The following PRMT8 variants were observed in gnomAD, a reference collection of about 807,000 sequenced individuals.
PRMT8 encodes the protein protein arginine methyltransferase 8, also known as protein arginine N-methyltransferase 8.
Under a neutral mutation model 47.1 loss-of-function variants are expected in PRMT8, and 7 were observed. That is an observed-to-expected ratio of 0.15 (90% CI 0.08 to 0.28). PRMT8 has a LOEUF of 0.28. PRMT8 is among the 10% of genes least tolerant of loss of function. The pLI, the probability that PRMT8 is intolerant of heterozygous loss-of-function variation, is 1.00. For missense variants in PRMT8, 237 were observed against 505.4 expected, an observed-to-expected ratio of 0.47 and a Z score of 5.09; for synonymous variants, 188 against 186.5, an observed-to-expected ratio of 1.01 and a Z score of -0.07.
intron 1 of PRMT8, among the ~76,000 whole-genome samples, chr12:3,452,230 G>A (rs1351855411): frequency 6.6e-6 from 1 of 151,946 alleles, no homozygotes; most frequent in African/African-American, 2.4e-5. Flanking sequence ...TTAATACCTG[G>A]GTGAGGAAAT....
At position 3,569,740 on chromosome 12, in the gene PRMT8, G is replaced by A. The variant is rs576753548; in HGVS notation, c.712+176G>A. On this transcript the variant is annotated intron_variant, in intron 6 of 9. Coordinates refer to ENST00000382622, the MANE Select transcript of PRMT8 (RefSeq NM_019854.5). The surrounding 1 kb of genome is among the most constrained non-coding windows in gnomAD (Gnocchi z 8.2). Reference sequence around the variant, plus strand: ...CTAAATGTTTCTATCTAGTCCCAAGGGTGTTAGGTCTACAGACAGAAAATA... The same window carrying A: ...CTAAATGTTTCTATCTAGTCCCAAGAGTGTTAGGTCTACAGACAGAAAATA... 6.6e-6 allele frequency among the ~76,000 whole-genome samples: 1 copy of A among 152,228 alleles called. No individual in the cohort carries two copies. The highest frequency in any genetic ancestry group is 2.4e-5 in the African/African-American group (1 of 41,536).
At chr12:3,481,562 G>A (rs1865273954) in intron 1 of PRMT8, among the ~76,000 whole-genome samples, 5 of 152,202 alleles carry the variant, frequency 3.3e-5, no homozygotes, top group Non-Finnish European at 5.9e-5. Context: ...AGCAGCCCTG[G>A]CATAGCCCTC....
At chr12:3,578,797 G>C (rs1027578303) in intron 7 of PRMT8, among the ~76,000 whole-genome samples, 1 of 152,142 alleles carries the variant, frequency 6.6e-6, no homozygotes, top group Non-Finnish European at 1.5e-5. Flanking sequence ...AACTGCACCC[G>C]TTGGGCTGGA....
rs55873188 is a variant in PRMT8, at chr12:3,582,053, C to G, written c.829-1005C>G. Among the ~76,000 whole-genome samples, 1,011 of 152,318 alleles carry G rather than the reference C, an allele frequency of 6.6e-3. 11 individuals are homozygous for G. Among genetic ancestry groups the G allele is most frequent in the African/African-American group, 0.024 (979 of 41,570 alleles). On this transcript the variant is annotated intron_variant, in intron 7 of 9. Coordinates refer to ENST00000382622, the MANE Select transcript of PRMT8 (RefSeq NM_019854.5). Reference sequence around the variant, plus strand: ...TGGAACCAACCAGGCATACAGATGGCCTTCTGGCTCTTACAGAGTTTTCAG... The same window carrying G: ...TGGAACCAACCAGGCATACAGATGGGCTTCTGGCTCTTACAGAGTTTTCAG...
intron 1 of PRMT8, among the ~76,000 whole-genome samples, chr12:3,480,980 C>T (rs759068468): frequency 1.3e-5 from 2 of 152,160 alleles, no homozygotes; most frequent in African/African-American, 2.4e-5. Context: ...GAGGTGGTGG[C>T]GGTCTAGAGG....
chr12:3,552,870 T>A lies in PRMT8; in HGVS notation c.418-781T>A, dbSNP rs1866448325. On this transcript the variant is annotated intron_variant, in intron 3 of 9. Coordinates refer to ENST00000382622, the MANE Select transcript of PRMT8 (RefSeq NM_019854.5). This position sits in a 1 kb window ranked among gnomAD's most constrained non-coding sequence, Gnocchi z 4.5. ...CCCAGGGCCTTAGCACAGGCCAGCC[T>A]CTGTAAGAGAGCCGGCTCCGGAGGT... 2 of 427,944 alleles carry A rather than the reference T, an allele frequency of 4.7e-6. No homozygotes were observed. The highest frequency in any genetic ancestry group is 3.3e-5 in the South Asian group (2 of 61,488). 26.5% of individuals were successfully genotyped at this position (427,944 alleles called of 1,614,324 possible). A position where few individuals can be genotyped will look rare whatever the true frequency, so the allele number is the denominator to read the frequency against.
intron 2 of PRMT8, among the ~76,000 whole-genome samples, chr12:3,549,510 TA>T (rs144428061): frequency 0.21 from 23,275 of 111,950 alleles, 1,852 homozygotes; most frequent in Non-Finnish European, 0.23. Flanking sequence ...TTTTTTTTTT[TA>T]AAAAAAAGGC....
chr12:3,445,383 G>A (rs1478317256), intron 1 of PRMT8, among the ~76,000 whole-genome samples: 1 of 152,184 alleles, frequency 6.6e-6, no homozygotes, highest in South Asian at 2.1e-4. Flanking sequence ...TTGATTAGTC[G>A]CCAAACACAG....
At chr12:3,454,073 C>T (rs1269246738) in intron 1 of PRMT8, among the ~76,000 whole-genome samples, 1 of 152,150 alleles carries the variant, frequency 6.6e-6, no homozygotes, top group Non-Finnish European at 1.5e-5. Context: ...TGGAGCACCA[C>T]GGGGCTCAAA....
At chr12:3,540,495 G>T in intron 1 of PRMT8, 111 bp from the exon 2 acceptor site, 1 of 724,694 alleles carries the variant, frequency 1.4e-6, no homozygotes, top group Non-Finnish European at 2.4e-6. Context: ...AAGGGCTGCT[G>T]TGGCTGCTTG....
rs545817694 is a variant in PRMT8, at chr12:3,424,219, C to T, written c.48+42777C>T. 9.9e-5 allele frequency among the ~76,000 whole-genome samples: 15 copies of T among 152,282 alleles called. No homozygotes were observed. In the East Asian group the frequency reaches 2.3e-3, roughly 24 times the overall value. ...ACTCGAGGATCCAGTCTGGCCCCAT[C>T]GATTCCTAAGGTCACACGCTCCCCT... On this transcript the variant is annotated intron_variant, in intron 1 of 9. Coordinates refer to the PRMT8 transcript ENST00000452611.
chr12:3,554,445 C>G (rs993427570), intron 4 of PRMT8, among the ~76,000 whole-genome samples: 1 of 152,226 alleles, frequency 6.6e-6, no homozygotes. Context: ...GGGCACTAGC[C>G]CCCTGTAGGC....
At position 3,404,753 on chromosome 12, in the gene PRMT8, C is replaced by G. The variant is rs187889297; in HGVS notation, c.48+23311C>G. Among the ~76,000 whole-genome samples the G allele has an allele frequency of 3.3e-3, 501 of 152,266 alleles. 2 individuals are homozygous for G. The highest frequency in any genetic ancestry group is 7.3e-3 in the Admixed American group (111 of 15,300). On this transcript the variant is annotated intron_variant, in intron 1 of 9. Transcript: ENST00000452611. ...GAGAGAGATGTATTAAACTCTCTCT[C>G]TATGAGTAGGAATTTCTTGTTTCTC...
Position 3,547,764 on chromosome 12 carries a change from A to G in PRMT8, c.262-2172A>G, listed in dbSNP as rs139453705. ...ACAACATTCCAGAGATAAATGAAAG[A>G]TCTACATAAATGGAGAGCTGCAAAG... On this transcript the variant is annotated intron_variant, in intron 2 of 9. Transcript: ENST00000382622. Among the ~76,000 whole-genome samples the G allele has an allele frequency of 3.9e-5, 6 of 152,366 alleles. No homozygotes were observed. In the East Asian group the frequency reaches 1.2e-3, roughly 29 times the overall value.
At chr12:3,554,202 C>T (rs1013766145) in intron 4 of PRMT8, among the ~76,000 whole-genome samples, 3 of 152,206 alleles carry the variant, frequency 2.0e-5, no homozygotes, top group Non-Finnish European at 4.4e-5. Context: ...GGAGTGGGCC[C>T]TTCTTCAGCT....
Position 3,409,128 on chromosome 12 carries a change from G to A in PRMT8, c.48+27686G>A, listed in dbSNP as rs1864401863. Reference sequence around the variant, plus strand: ...TGTGGCACCTGGGACTTGGGGTGAAGGTTCACTCTCTGTGAAGCATGGGTG... The same window carrying A: ...TGTGGCACCTGGGACTTGGGGTGAAAGTTCACTCTCTGTGAAGCATGGGTG... On this transcript the variant is annotated intron_variant, in intron 1 of 9. Transcript: ENST00000452611. This position sits in a 1 kb window ranked among gnomAD's most constrained non-coding sequence, Gnocchi z 4.4. Among the ~76,000 whole-genome samples the A allele has an allele frequency of 6.6e-6, 1 of 152,116 alleles. No individual in the cohort carries two copies. The highest frequency in any genetic ancestry group is 1.5e-5 in the Non-Finnish European group (1 of 68,026).
chr12:3,553,308 C>G (rs1866461052), intron 3 of PRMT8: 1 of 350,846 alleles, frequency 2.9e-6, no homozygotes, highest in Non-Finnish European at 5.2e-6. Context: ...CTTCCCGCGT[C>G]CCCCACGGTG....
chr12:3,437,795 C>T (rs1864760849), intron 1 of PRMT8, among the ~76,000 whole-genome samples: 1 of 152,026 alleles, frequency 6.6e-6, no homozygotes, highest in Non-Finnish European at 1.5e-5. Context: ...TCAAGGCCTT[C>T]AACTGCAAAA....
At chr12:3,412,418 T>C (rs11612971) in intron 1 of PRMT8, among the ~76,000 whole-genome samples, 8,159 of 152,292 alleles carry the variant, frequency 0.054, 319 homozygotes, top group Non-Finnish European at 0.081. Flanking sequence ...TACATTAAGT[T>C]TATAAAAAAT....
Sources: allele counts gnomAD v4.1 joint callset (sites outside exome capture counted in the v4.1 genomes callset), GRCh38; gene constraint gnomAD v4.1.1; non-coding constraint Gnocchi (gnomAD v3.1); transcripts MANE v1.5; gene names NCBI Gene and HGNC (gene_info 2026-07-23, HGNC 2026-07-21).